Variants in TMEM156 observed in about 807,000 individuals in gnomAD.
TMEM156 encodes transmembrane protein 156.
TMEM156 carries 28 observed loss-of-function variants against 30.5 expected under a neutral mutation model. The observed-to-expected ratio is 0.92, with a 90% CI of 0.68 to 1.26. The LOEUF (loss-of-function observed/expected upper bound fraction) is 1.26. TMEM156 is among the 50% of genes most tolerant of loss of function. The pLI is 0.00. For synonymous variants in TMEM156, 137 were observed against 119.9 expected (o/e 1.14, Z -0.93); for missense variants, 351 against 340.6 (o/e 1.03, Z -0.24).
chr4:39,021,592 G>A lies in TMEM156; in HGVS notation c.88+10634C>T, dbSNP rs77906929. Among the ~76,000 whole-genome samples, 39 of 151,990 alleles carry A rather than the reference G, an allele frequency of 2.6e-4. No homozygotes were observed. The East Asian group carries it at 5.6e-3, about 22-fold the overall frequency. ...GTTTGCAACTATTTTCTCTCATTCC[G>A]TAAGTTTCTTTTCACTCATTTCCTT... On this transcript the variant is annotated intron_variant, in intron 1 of 6. Coordinates refer to ENST00000381938, the MANE Select transcript of TMEM156 (RefSeq NM_024943.3).
chr4:38,995,960 A>T (rs897015130), intron 2 of TMEM156, among the ~76,000 whole-genome samples: 11 of 152,168 alleles, frequency 7.2e-5, no homozygotes, highest in African/African-American at 2.4e-4. Flanking sequence ...AAGACCACAT[A>T]AAGGAAACAA....
At chr4:38,975,735 G>A (rs1250574128) in intron 5 of TMEM156, among the ~76,000 whole-genome samples, 3 of 152,012 alleles carry the variant, frequency 2.0e-5, no homozygotes, top group Non-Finnish European at 4.4e-5. Flanking sequence ...GTCCCCAGGA[G>A]TCCCACCCCC....
Position 39,023,745 on chromosome 4 carries a change from G to A in TMEM156, c.88+8481C>T, listed in dbSNP as rs564817621. Among the ~76,000 whole-genome samples the A allele has an allele frequency of 5.5e-4, 83 of 152,112 alleles. 1 individual carries two copies. The highest frequency in any genetic ancestry group is 1.6e-3 in the African/African-American group (67 of 41,508). On this transcript the variant is annotated intron_variant, in intron 1 of 6. Coordinates refer to ENST00000381938, the MANE Select transcript of TMEM156 (RefSeq NM_024943.3). ...GGTGGGCACCTGTAGTCCCAGCTAC[G>A]CAGGAGGCTGAGGCAGGAGAATCAC...
intron 1 of TMEM156, among the ~76,000 whole-genome samples, chr4:39,012,204 G>A (rs1208916771): frequency 6.6e-6 from 1 of 152,078 alleles, no homozygotes; most frequent in Non-Finnish European, 1.5e-5. Context: ...ATATATTAAT[G>A]AAATACATTA....
At chr4:38,976,458 TAACCCGA>T in intron 5 of TMEM156, among the ~76,000 whole-genome samples, 1 of 152,124 alleles carries the variant, frequency 6.6e-6, no homozygotes, top group African/African-American at 2.4e-5. Context: ...ATTCTTCCCA[TAACCCGA>T]GTGAGCGTAG....
chr4:38,984,386 G>A (rs977600455), intron 5 of TMEM156, among the ~76,000 whole-genome samples: 2 of 132,820 alleles, frequency 1.5e-5, no homozygotes, highest in South Asian at 4.6e-4. Flanking sequence ...TGTGTGTGTT[G>A]AACAATACTC....
chr4:39,011,601 C>G (rs1345869366), intron 1 of TMEM156, among the ~76,000 whole-genome samples: 1 of 152,010 alleles, frequency 6.6e-6, no homozygotes, highest in Non-Finnish European at 1.5e-5. Flanking sequence ...TGGTGAAACC[C>G]CATCTCTACT....
chr4:38,978,192 A>G (rs1432094966), intron 5 of TMEM156, among the ~76,000 whole-genome samples: 1 of 151,858 alleles, frequency 6.6e-6, no homozygotes, highest in Non-Finnish European at 1.5e-5. Context: ...ATTTTTTTTT[A>G]TTCTCTTATC....
In TMEM156 at chr4:39,014,706, G is replaced by A. The variant is rs190638098; in HGVS notation, c.89-15797C>T. ...CCAGGAGGCTGAGGTTGCAGTGAGCGGAGATTGTACCATTGCACTACAGCC... is the reference window on the plus strand; with the variant it reads ...CCAGGAGGCTGAGGTTGCAGTGAGCAGAGATTGTACCATTGCACTACAGCC... On this transcript the variant is annotated intron_variant, in intron 1 of 6. Coordinates refer to ENST00000381938, the MANE Select transcript of TMEM156 (RefSeq NM_024943.3). 7.4e-4 allele frequency among the ~76,000 whole-genome samples: 111 copies of A among 150,486 alleles called. 1 individual carries two copies. Among genetic ancestry groups the A allele is most frequent in the African/African-American group, 2.6e-3 (106 of 40,838 alleles).
chr4:38,988,300 T>G (rs906902349), intron 4 of TMEM156, among the ~76,000 whole-genome samples: 1 of 152,206 alleles, frequency 6.6e-6, no homozygotes, highest in Admixed American at 6.5e-5. Flanking sequence ...CTCAGCTCAC[T>G]GCAACCTCCA....
intron 5 of TMEM156, among the ~76,000 whole-genome samples, 180 bp from the exon 6 acceptor site, chr4:38,971,317 C>A (rs956477111): frequency 2.0e-5 from 3 of 152,190 alleles, no homozygotes; most frequent in Non-Finnish European, 4.4e-5. Flanking sequence ...CCATTTCTCT[C>A]AACTCCTCAC....
intron 1 of TMEM156, among the ~76,000 whole-genome samples, chr4:39,031,974 T>C (rs973503467): frequency 6.6e-6 from 1 of 151,944 alleles, no homozygotes; most frequent in African/African-American, 2.4e-5. Flanking sequence ...GTAATCTCAA[T>C]GTCTGAAATC....
chr4:39,031,468 C>T (rs1259065596), intron 1 of TMEM156, among the ~76,000 whole-genome samples: 1 of 152,070 alleles, frequency 6.6e-6, no homozygotes. Flanking sequence ...AACGCTTTTT[C>T]TTGTCAAAAG....
intron 5 of TMEM156, among the ~76,000 whole-genome samples, chr4:38,982,482 CCTGTAATTACT>C (rs1711653891): frequency 6.6e-6 from 1 of 152,120 alleles, no homozygotes; most frequent in African/African-American, 2.4e-5. Flanking sequence ...AATTCTATGC[CCTGTAATTACT>C]CTGTCTCTTT....
At chr4:38,987,458 A>G (rs1040188287) in intron 4 of TMEM156, among the ~76,000 whole-genome samples, 2 of 152,252 alleles carry the variant, frequency 1.3e-5, no homozygotes, top group African/African-American at 4.8e-5. Flanking sequence ...GGTATCAATG[A>G]TAACACTTGA....
At position 39,006,728 on chromosome 4, in the gene TMEM156, C is replaced by T. The variant is rs185409953; in HGVS notation, c.89-7819G>A. Among the ~76,000 whole-genome samples the T allele has an allele frequency of 1.2e-4, 18 of 152,040 alleles. No individual in the cohort carries two copies. The East Asian group carries it at 2.3e-3, about 20-fold the overall frequency. ...GTCCAGGAGCTTGAAACCAGCCTGG[C>T]CAACGTGGCAAAACCCCATCTCTAC... On this transcript the variant is annotated intron_variant, in intron 1 of 6. Transcript: ENST00000381938.
chr4:39,027,510 C>T lies in TMEM156; in HGVS notation c.88+4716G>A, dbSNP rs1167305090. ...TTAAAAGAAAGTGAGGAAGTCAAAA[C>T]AGATAAAATTAGGTCTGAGGTGTTT... On this transcript the variant is annotated intron_variant, in intron 1 of 6. Coordinates refer to ENST00000381938, the MANE Select transcript of TMEM156 (RefSeq NM_024943.3). 2.0e-5 allele frequency among the ~76,000 whole-genome samples: 3 copies of T among 146,936 alleles called. No homozygotes were observed. In the East Asian group the frequency reaches 6.1e-4, roughly 30 times the overall value.
rs541136965 is a variant in TMEM156, at chr4:38,995,642, G to A, written c.359-1644C>T. Among the ~76,000 whole-genome samples, 12 of 152,314 alleles carry A rather than the reference G, an allele frequency of 7.9e-5. No individual in the cohort carries two copies. In the South Asian group the frequency reaches 1.9e-3, roughly 24 times the overall value. On this transcript the variant is annotated intron_variant, in intron 2 of 6. Coordinates refer to ENST00000381938, the MANE Select transcript of TMEM156 (RefSeq NM_024943.3). ...AAGCAGGAAAATCACTTGAATCTGGGAGGCAGAGGTTGTAGTGAGCCAAGA... is the reference window on the plus strand; with the variant it reads ...AAGCAGGAAAATCACTTGAATCTGGAAGGCAGAGGTTGTAGTGAGCCAAGA...
rs936541596 is a variant in TMEM156, at chr4:38,979,341, G to A, written c.823+6995C>T. 9.2e-5 allele frequency among the ~76,000 whole-genome samples: 14 copies of A among 152,326 alleles called. No homozygotes were observed. In the South Asian group the frequency reaches 1.0e-3, roughly 11 times the overall value. On this transcript the variant is annotated intron_variant, in intron 5 of 6. Transcript: ENST00000381938. Reference sequence around the variant, plus strand: ...ATTCAAAGTTTTGGCAGTGGGGACCGACACCTGCACAACCAAGATCACTTC... The same window carrying A: ...ATTCAAAGTTTTGGCAGTGGGGACCAACACCTGCACAACCAAGATCACTTC...
Sources: allele counts gnomAD v4.1 joint callset (sites outside exome capture counted in the v4.1 genomes callset), GRCh38; gene constraint gnomAD v4.1.1; transcripts MANE v1.5; gene names NCBI Gene and HGNC (gene_info 2026-07-23, HGNC 2026-07-21).